Variants in SEC14L5 observed in about 807,000 individuals in gnomAD.
SEC14L5 encodes SEC14 like lipid binding 5.
In SEC14L5, 96 loss-of-function variants were observed where a neutral mutation model predicts 84.6. That is an observed-to-expected ratio of 1.13 (90% CI 0.96 to 1.34). SEC14L5 has a LOEUF of 1.34. Among genes scored for constraint, SEC14L5 ranks in the 40% most tolerant of loss-of-function variants. The pLI is 0.00. For synonymous variants in SEC14L5, 546 were observed against 383.4 expected, an observed-to-expected ratio of 1.42 and a Z score of -4.95; for missense variants, 1,224 against 942.5, an observed-to-expected ratio of 1.30 and a Z score of -3.91.
intron 7 of SEC14L5, 46 bp downstream of exon 7, chr16:4,996,506 C>T (rs768855884): frequency 1.1e-5 from 11 of 1,013,774 alleles, no homozygotes; most frequent in South Asian, 8.2e-5. Context: ...TGGGCAATGA[C>T]TGGTACTCAG....
intron 12 of SEC14L5, among the ~76,000 whole-genome samples, chr16:5,006,968 G>A (rs1201155078): frequency 6.6e-6 from 1 of 152,228 alleles, no homozygotes; most frequent in Non-Finnish European, 1.5e-5. Context: ...CGCCTGTGAC[G>A]GGGAGAGGCA....
At chr16:5,009,271 G>T (rs747735396) in intron 14 of SEC14L5, among the ~76,000 whole-genome samples, 5 of 151,946 alleles carry the variant, frequency 3.3e-5, no homozygotes, top group Non-Finnish European at 5.9e-5. Flanking sequence ...CCTCTCTCCT[G>T]TAAGGACACT....
chr16:5,005,009 A>T (rs1281438884), intron 11 of SEC14L5, among the ~76,000 whole-genome samples: 1 of 152,198 alleles, frequency 6.6e-6, no homozygotes, highest in East Asian at 1.9e-4. Context: ...GATCTCCTTT[A>T]TATGAAATGT....
In SEC14L5 at chr16:4,969,174, G is replaced by A. The variant is rs554427960; in HGVS notation, c.63+9788G>A. Among the ~76,000 whole-genome samples the A allele has an allele frequency of 2.0e-5, 3 of 152,356 alleles. No individual in the cohort carries two copies. The South Asian group carries it at 6.2e-4, about 32-fold the overall frequency. ...GAGAACAGAGGTGATCCACTGCCCT[G>A]CATAGTTGTCTTCTGATTTCCGAGG... On this transcript the variant is annotated intron_variant, in intron 2 of 15. Transcript: ENST00000251170.
At chr16:4,978,490 C>T in intron 2 of SEC14L5, among the ~76,000 whole-genome samples, 1 of 146,344 alleles carries the variant, frequency 6.8e-6, no homozygotes, top group Non-Finnish European at 1.5e-5. Flanking sequence ...ATAATCATAG[C>T]TCATTGCAGC....
intron 4 of SEC14L5, among the ~76,000 whole-genome samples, chr16:4,989,257 C>T (rs1332271009): frequency 6.6e-6 from 1 of 150,992 alleles, no homozygotes; most frequent in Non-Finnish European, 1.5e-5. Flanking sequence ...ATCGTTTTCA[C>T]GATGATAACT....
At chr16:5,002,260 G>A (rs550415801) in intron 10 of SEC14L5, among the ~76,000 whole-genome samples, 5 of 150,596 alleles carry the variant, frequency 3.3e-5, no homozygotes, top group African/African-American at 4.9e-5. Context: ...CAAATATCCC[G>A]ATCTTTGTGA....
intron 14 of SEC14L5, 36 bp from the exon 15 acceptor site, chr16:5,011,059 G>A (rs1011586757): frequency 6.4e-7 from 1 of 1,555,048 alleles, no homozygotes; most frequent in South Asian, 1.2e-5. Flanking sequence ...TCCTCTGGAG[G>A]GCGCAGGGCC....
chr16:4,987,508 G>T (rs1955502677), intron 2 of SEC14L5, 49 bp from the exon 3 acceptor site: 2 of 1,445,066 alleles, frequency 1.4e-6, no homozygotes, highest in Admixed American at 2.3e-5. Context: ...GGGGGGGGGG[G>T]TCCCTCTGCC....
intron 2 of SEC14L5, chr16:4,960,833 T>A (rs8054461): frequency 6.6e-6 from 1 of 152,010 alleles, no homozygotes; most frequent in Admixed American, 6.6e-5. Flanking sequence ...TGATCGTTAC[T>A]GTTTTTGCAA....
intron 2 of SEC14L5, among the ~76,000 whole-genome samples, chr16:4,975,407 A>C (rs1955328078): frequency 2.9e-5 from 4 of 138,038 alleles, no homozygotes. Flanking sequence ...CGGGAGGCAG[A>C]GCTTGCAGTG....
At chr16:4,984,176 C>G (rs1162344127) in intron 2 of SEC14L5, among the ~76,000 whole-genome samples, 2 of 152,190 alleles carry the variant, frequency 1.3e-5, no homozygotes, top group Non-Finnish European at 2.9e-5. Flanking sequence ...CATCCCTCAA[C>G]ACCCCCACCA....
intron 13 of SEC14L5, among the ~76,000 whole-genome samples, chr16:5,007,887 G>A (rs926675600): frequency 6.8e-6 from 1 of 146,544 alleles, no homozygotes; most frequent in African/African-American, 2.5e-5. Context: ...ATTATAGGCG[G>A]GAGCCACGGC....
At chr16:5,007,029 G>A (rs1029059577) in intron 12 of SEC14L5, among the ~76,000 whole-genome samples, 2 of 152,112 alleles carry the variant, frequency 1.3e-5, no homozygotes, top group African/African-American at 4.8e-5. Flanking sequence ...CTGTCAGTCC[G>A]GCACCGGGGT....
chr16:4,970,328 G>A (rs530223420), intron 2 of SEC14L5, among the ~76,000 whole-genome samples: 3 of 152,238 alleles, frequency 2.0e-5, no homozygotes, highest in African/African-American at 7.2e-5. Flanking sequence ...GGAGGTGGGG[G>A]ATGTTAAGCA....
chr16:5,001,073 C>T (rs753216786), intron 10 of SEC14L5, 148 bp downstream of exon 10: 12 of 661,182 alleles, frequency 1.8e-5, no homozygotes, highest in Non-Finnish European at 2.9e-5. Context: ...GGCCTTGAGG[C>T]AGGGCCCGTA....
At chr16:4,974,755 T>C (rs1340894221) in intron 2 of SEC14L5, among the ~76,000 whole-genome samples, 1 of 152,068 alleles carries the variant, frequency 6.6e-6, no homozygotes, top group Non-Finnish European at 1.5e-5. Context: ...AAATCCATTA[T>C]ATCATTCTTA....
intron 15 of SEC14L5, among the ~76,000 whole-genome samples, 189 bp from the exon 16 acceptor site, chr16:5,014,670 C>A (rs1002551603): frequency 1.3e-5 from 2 of 152,256 alleles, no homozygotes. Flanking sequence ...TGGGCTCCAT[C>A]TGGGGAGATG....
At chr16:5,008,272 G>A (rs1955756408) in intron 13 of SEC14L5, 149 bp from the exon 14 acceptor site, 1 of 631,378 alleles carries the variant, frequency 1.6e-6, no homozygotes, top group Non-Finnish European at 2.8e-6. Context: ...GGAGAAAACT[G>A]AGGAGAGGAG....
Sources: allele counts gnomAD v4.1 joint callset (sites outside exome capture counted in the v4.1 genomes callset), GRCh38; gene constraint gnomAD v4.1.1; transcripts MANE v1.5; gene names NCBI Gene and HGNC (gene_info 2026-07-23, HGNC 2026-07-21).